TSPEAR: variants seen among roughly 807,000 people sequenced by gnomAD.
The protein encoded by TSPEAR is thrombospondin-type laminin G domain and EAR repeat-containing protein.
In TSPEAR, 69 loss-of-function variants were observed where a neutral mutation model predicts 71.6. That is an observed-to-expected ratio of 0.96 (90% CI 0.79 to 1.18). TSPEAR has a LOEUF of 1.18. Among genes scored for constraint, TSPEAR ranks in the 50% most tolerant of loss-of-function variants. TSPEAR has a pLI of 0.00. For synonymous variants in TSPEAR, 402 were observed against 387.2 expected, an observed-to-expected ratio of 1.04 and a Z score of -0.45; for missense variants, 971 against 894.9, an observed-to-expected ratio of 1.09 and a Z score of -1.09.
chr21:44,535,370 T>A (rs1052607628), intron 2 of TSPEAR, among the ~76,000 whole-genome samples: 2 of 152,076 alleles, frequency 1.3e-5, no homozygotes, highest in Admixed American at 6.5e-5. Flanking sequence ...CAACTTAGAT[T>A]CCATTCATTC....
At chr21:44,630,555 C>A (rs1983196183) in intron 1 of TSPEAR, among the ~76,000 whole-genome samples, 1 of 152,068 alleles carries the variant, frequency 6.6e-6, no homozygotes, top group African/African-American at 2.4e-5. Context: ...ACAGAAAAGA[C>A]CTGAGAGGCT....
rs1413942047 is a variant in TSPEAR, at chr21:44,550,454, C to T, written c.304-16531G>A. Reference sequence around the variant, plus strand: ...GGGCCCATCCCCAACCAGCGACCAGCGACCAGCGGAGGGTTGTGGTCTGCA... The same window carrying T: ...GGGCCCATCCCCAACCAGCGACCAGTGACCAGCGGAGGGTTGTGGTCTGCA... On this transcript the variant is annotated intron_variant, in intron 2 of 11. Transcript: ENST00000323084. The T allele has an allele frequency of 1.9e-5, 13 of 698,894 alleles. No homozygotes were observed. In the South Asian group the frequency reaches 2.0e-4, roughly 11 times the overall value. The allele number at this position is 698,894 out of a possible 1,614,324, so 43.3% of individuals were successfully genotyped here. A position where few individuals can be genotyped will look rare whatever the true frequency, so the allele number is the denominator to read the frequency against.
At chr21:44,664,135 A>G (rs1985631308) in intron 1 of TSPEAR, among the ~76,000 whole-genome samples, 1 of 152,192 alleles carries the variant, frequency 6.6e-6, no homozygotes, top group South Asian at 2.1e-4. Flanking sequence ...GCCTGGAAAG[A>G]AAGAAATAAC....
Position 44,527,537 on chromosome 21 carries a change from T to A in TSPEAR, c.923-19A>T, listed in dbSNP as rs782108616. 1 of 1,611,156 alleles carries A rather than the reference T, an allele frequency of 6.2e-7. No individual in the cohort carries two copies. The highest frequency in any genetic ancestry group is 8.5e-7 in the Non-Finnish European group (1 of 1,177,310). On this transcript the variant is annotated intron_variant, in intron 6 of 11. Coordinates refer to ENST00000323084, the MANE Select transcript of TSPEAR (RefSeq NM_144991.3). Reference sequence around the variant, plus strand: ...TCTTTGGCTTGTGATAGAAACGTTGTGACTCGGTTAAGATTTCCGAGAACG... The same window carrying A: ...TCTTTGGCTTGTGATAGAAACGTTGAGACTCGGTTAAGATTTCCGAGAACG...
chr21:44,550,091 G>A (rs1484377612), intron 2 of TSPEAR, among the ~76,000 whole-genome samples: 33 of 152,394 alleles, frequency 2.2e-4, no homozygotes, highest in African/African-American at 7.9e-4. Context: ...TCTACCCACA[G>A]TGCGTGGGGC....
intron 1 of TSPEAR, among the ~76,000 whole-genome samples, chr21:44,598,248 C>A (rs953816738): frequency 6.6e-6 from 1 of 152,204 alleles, no homozygotes; most frequent in Non-Finnish European, 1.5e-5. Flanking sequence ...ATTATGCATC[C>A]ATTTTATCTA....
rs71199618 is a variant in TSPEAR, at chr21:44,689,712, A to AATATATATATAT, written c.82+21709_82+21720dup. ...TCCCTTAGAGGGACAGAATAGAATG[A>AATATATATATAT]ATATATATATATATATATATATATA... On this transcript the variant is annotated intron_variant, in intron 1 of 11. Transcript: ENST00000323084. Among the ~76,000 whole-genome samples the AATATATATATAT allele has an allele frequency of 3.7e-4, 23 of 62,052 alleles. 1 individual carries two copies. The highest frequency in any genetic ancestry group is 1.5e-3 in the Admixed American group (8 of 5,364). 40.7% of individuals were successfully genotyped at this position (62,052 alleles called of 152,430 possible). A position where few individuals can be genotyped will look rare whatever the true frequency, so the allele number is the denominator to read the frequency against.
chr21:44,621,732 G>T (rs1309774480), intron 1 of TSPEAR, among the ~76,000 whole-genome samples: 1 of 152,264 alleles, frequency 6.6e-6, no homozygotes, highest in Non-Finnish European at 1.5e-5. Flanking sequence ...AGCAGGGAAA[G>T]TATTTGGGTC....
At chr21:44,522,529 G>A (rs587692518) in intron 8 of TSPEAR, among the ~76,000 whole-genome samples, 50 of 152,352 alleles carry the variant, frequency 3.3e-4, no homozygotes, top group African/African-American at 1.2e-3. Context: ...CCATTGGGTG[G>A]GTCGTGGGCT....
intron 9 of TSPEAR, among the ~76,000 whole-genome samples, chr21:44,511,942 C>T (rs782758302): frequency 3.9e-5 from 6 of 152,244 alleles, no homozygotes; most frequent in African/African-American, 1.4e-4. Context: ...CCTCCCTGCC[C>T]AAAGGAGCCC....
At chr21:44,503,624 C>T (rs2052104823) in intron 11 of TSPEAR, among the ~76,000 whole-genome samples, 2 of 134,490 alleles carry the variant, frequency 1.5e-5, no homozygotes, top group Non-Finnish European at 3.1e-5. Context: ...TGGGAGGAGG[C>T]CGGCCTTGGT....
intron 4 of TSPEAR, among the ~76,000 whole-genome samples, chr21:44,530,364 CCACCCA>C (rs1555915605): frequency 6.6e-6 from 1 of 151,916 alleles, no homozygotes; most frequent in African/African-American, 2.4e-5. Context: ...ATCCATCCAT[CCACCCA>C]TTCATCCATC....
chr21:44,599,171 T>TCTCTCTCTCTCTCTCTCTCTCTC (rs1569210763), intron 1 of TSPEAR, among the ~76,000 whole-genome samples: 1 of 125,074 alleles, frequency 8.0e-6, no homozygotes, highest in Non-Finnish European at 1.6e-5. Context: ...TCTCTCTCTC[T>TCTCTCTCTCTCTCTCTCTCTCTC]CCTTCCATCC....
At chr21:44,560,897 A>G (rs1216837726) in intron 2 of TSPEAR, among the ~76,000 whole-genome samples, 1 of 152,234 alleles carries the variant, frequency 6.6e-6, no homozygotes, top group Non-Finnish European at 1.5e-5. Flanking sequence ...TCTCAGATCT[A>G]CACCCTAACA....
intron 1 of TSPEAR, among the ~76,000 whole-genome samples, chr21:44,622,972 C>T (rs1414174212): frequency 2.0e-5 from 3 of 152,074 alleles, no homozygotes; most frequent in East Asian, 1.9e-4. Flanking sequence ...CTCCCATCCC[C>T]CACTCTCTTT....
intron 1 of TSPEAR, chr21:44,579,439 C>T: frequency 2.1e-6 from 1 of 484,732 alleles, no homozygotes; most frequent in East Asian, 3.5e-5. Flanking sequence ...CCCAGGAGCA[C>T]TACAGAAAAA....
chr21:44,592,562 CTTG>C, intron 1 of TSPEAR: 4 of 1,540,922 alleles, frequency 2.6e-6, no homozygotes, highest in South Asian at 1.3e-5. Context: ...TCCACCTGGC[CTTG>C]TTGTCCCCGG....
At chr21:44,588,872 T>C (rs769700137) in intron 1 of TSPEAR, among the ~76,000 whole-genome samples, 101 of 151,488 alleles carry the variant, frequency 6.7e-4, no homozygotes, top group African/African-American at 1.2e-3. Flanking sequence ...AGATTGGAGA[T>C]TATTATTCTA....
intron 11 of TSPEAR, among the ~76,000 whole-genome samples, chr21:44,502,712 C>T (rs991845964): frequency 6.6e-6 from 1 of 152,274 alleles, no homozygotes; most frequent in Non-Finnish European, 1.5e-5. Flanking sequence ...CAGCCAGCGC[C>T]GGGCCATCCA....
Sources: gnomAD v4.1 joint callset for allele counts (sites outside exome capture counted in the v4.1 genomes callset) on GRCh38, gnomAD v4.1.1 for gene constraint, MANE v1.5 for transcripts, NCBI Gene and HGNC (gene_info 2026-07-23, HGNC 2026-07-21) for gene names.